SCN4B: variants seen among roughly 807,000 people sequenced by gnomAD.
SCN4B encodes the protein sodium voltage-gated channel beta subunit 4, also known as sodium channel regulatory subunit beta-4.
Under a neutral mutation model 19.6 loss-of-function variants are expected in SCN4B, and 20 were observed. The observed-to-expected ratio is 1.02, with a 90% CI of 0.72 to 1.48. SCN4B has a LOEUF of 1.48. Among genes scored for constraint, SCN4B ranks in the 40% most tolerant of loss-of-function variants. SCN4B has a pLI of 0.00. For missense variants in SCN4B, 271 were observed against 287.5 expected (o/e 0.94, Z 0.42); for synonymous variants, 127 against 122.8 (o/e 1.03, Z -0.22).
At chr11:118,138,505 T>C (rs991623021) in intron 4 of SCN4B, among the ~76,000 whole-genome samples, 1 of 152,186 alleles carries the variant, frequency 6.6e-6, no homozygotes, top group African/African-American at 2.4e-5. Flanking sequence ...TCTCTCTCTC[T>C]TTCTTTCTTT....
chr11:118,140,470 C>T (rs536042668), intron 4 of SCN4B, among the ~76,000 whole-genome samples: 1 of 152,368 alleles, frequency 6.6e-6, no homozygotes, highest in Non-Finnish European at 1.5e-5. Flanking sequence ...TACCATCACC[C>T]TCTCTGTTCC....
In SCN4B at chr11:118,133,959, T is replaced by G. The variant is rs373096657; in HGVS notation, c.*3068A>C. 7 of 454,598 alleles carry G rather than the reference T, an allele frequency of 1.5e-5. 2 individuals carry two copies. Among genetic ancestry groups the G allele is most frequent in the East Asian group, 6.9e-5 (1 of 14,390 alleles). 28.2% of individuals were successfully genotyped at this position (454,598 alleles called of 1,614,324 possible). On this transcript the variant is annotated 3_prime_UTR_variant, in exon 5 of 5. Coordinates refer to ENST00000324727, the MANE Select transcript of SCN4B (RefSeq NM_174934.4). ...TGCCCATCATGCATCACCCCTTACATGCAGAGCCCATCCACTCCACAGTTA... is the reference window on the plus strand; with the variant it reads ...TGCCCATCATGCATCACCCCTTACAGGCAGAGCCCATCCACTCCACAGTTA...
At chr11:118,137,745 G>A (rs1948037268) in intron 4 of SCN4B, among the ~76,000 whole-genome samples, 1 of 152,158 alleles carries the variant, frequency 6.6e-6, no homozygotes. Flanking sequence ...GGAAGCAAAG[G>A]GCACCAGGTG....
At chr11:118,145,294 T>C (rs1251645065) in intron 1 of SCN4B, 65 bp from the exon 2 acceptor site, 1 of 1,608,746 alleles carries the variant, frequency 6.2e-7, no homozygotes, top group Non-Finnish European at 8.5e-7. Context: ...AAGGGGATGC[T>C]TAGGCAGGGC....
chr11:118,136,949 G>C lies in SCN4B; in HGVS notation c.*78C>G, dbSNP rs1948019517. ...AGCAGCAGATGTCTCAGGCACGTGG[G>C]TTCTACGGTCGGGGCTCAAGCATCA... On this transcript the variant is annotated 3_prime_UTR_variant, in exon 5 of 5. Transcript: ENST00000324727. 1 of 995,418 alleles carries C rather than the reference G, an allele frequency of 1.0e-6. No individual in the cohort carries two copies. The highest frequency in any genetic ancestry group is 1.6e-6 in the Non-Finnish European group (1 of 629,854). 61.7% of individuals were successfully genotyped at this position (995,418 alleles called of 1,614,324 possible). A position where few individuals can be genotyped will look rare whatever the true frequency, so the allele number is the denominator to read the frequency against.
In SCN4B at chr11:118,150,428, C is replaced by A. The variant is rs544955730; in HGVS notation, c.61+2185G>T. Reference sequence around the variant, plus strand: ...CCAGTCTCCGAAGCTGTGAAAAGAGCCGCTCTAGGCCCCTCAAGTCTTTAT... The same window carrying A: ...CCAGTCTCCGAAGCTGTGAAAAGAGACGCTCTAGGCCCCTCAAGTCTTTAT... On this transcript the variant is annotated intron_variant, in intron 1 of 4. Transcript: ENST00000324727. 7.2e-5 allele frequency among the ~76,000 whole-genome samples: 11 copies of A among 152,252 alleles called. 1 individual carries two copies. In the South Asian group the frequency reaches 2.3e-3, roughly 32 times the overall value.
intron 3 of SCN4B, 52 bp downstream of exon 3, chr11:118,143,781 G>T: frequency 1.5e-6 from 2 of 1,316,406 alleles, no homozygotes; most frequent in Non-Finnish European, 2.2e-6. Flanking sequence ...TGAGTTGGGT[G>T]CCTCCCAAGT....
At chr11:118,147,207 G>A (rs1948188707) in intron 1 of SCN4B, among the ~76,000 whole-genome samples, 1 of 152,232 alleles carries the variant, frequency 6.6e-6, no homozygotes. Flanking sequence ...TCAAAGGCAG[G>A]TATAATGTTC....
intron 1 of SCN4B, among the ~76,000 whole-genome samples, chr11:118,151,113 TAC>T (rs1948229078): frequency 1.5e-5 from 2 of 129,736 alleles, no homozygotes; most frequent in South Asian, 4.8e-4. Flanking sequence ...CAATCCCCCT[TAC>T]ACACGTGCAC....
At chr11:118,138,790 T>A (rs1948057401) in intron 4 of SCN4B, among the ~76,000 whole-genome samples, 1 of 152,142 alleles carries the variant, frequency 6.6e-6, no homozygotes, top group South Asian at 2.1e-4. Flanking sequence ...CTTCCAAGCT[T>A]CTTTGAAACC....
At chr11:118,147,477 C>T (rs1375326640) in intron 1 of SCN4B, among the ~76,000 whole-genome samples, 1 of 152,158 alleles carries the variant, frequency 6.6e-6, no homozygotes, top group Non-Finnish European at 1.5e-5. Context: ...GATATTAGCC[C>T]CTTTCCACCA....
In SCN4B at chr11:118,145,078, G is replaced by A. The variant is rs756236959; in HGVS notation, c.213C>T (p.Asn71=). The change falls in exon 2 of 5, where the codon AAC becomes AAT. Residue 71 remains asparagine, a synonymous_variant. Coordinates refer to ENST00000324727, the MANE Select transcript of SCN4B (RefSeq NM_174934.4). ...TTACAATCTTGAATGCGTCACTGCT[G>A]TTGTAGGTCCACCGGAAGTGGAGGT... ...FEDLHFRWTY[N]SSDAFKILIE... The A allele has an allele frequency of 6.2e-7, 1 of 1,614,168 alleles. No homozygotes were observed. Among genetic ancestry groups the A allele is most frequent in the South Asian group, 1.1e-5 (1 of 91,078 alleles).
At chr11:118,139,908 C>T (rs12418708) in intron 4 of SCN4B, among the ~76,000 whole-genome samples, 16,782 of 59,446 alleles carry the variant, frequency 0.28, 1,917 homozygotes, top group East Asian at 0.63. Context: ...TTTCTTTTTT[C>T]TTTTTTTTTT....
intron 1 of SCN4B, 193 bp from the exon 2 acceptor site, chr11:118,145,422 C>A (rs1196431805): frequency 2.0e-6 from 3 of 1,511,752 alleles, no homozygotes; most frequent in Non-Finnish European, 1.8e-6. Context: ...CATTTCTCCC[C>A]TGGAAAGGAC....
At position 118,141,409 on chromosome 11, in the gene SCN4B, G is replaced by A; in HGVS notation, c.464-73C>T. The A allele has an allele frequency of 4.4e-6, 7 of 1,590,094 alleles. No individual in the cohort carries two copies. In the South Asian group the frequency reaches 6.6e-5, roughly 15 times the overall value. On this transcript the variant is annotated intron_variant, in intron 3 of 4. Coordinates refer to ENST00000324727, the MANE Select transcript of SCN4B (RefSeq NM_174934.4). ...AGTCAACCTGGAGCCGAGAACTGTGGCAGTGCAAGGGCCATGTAGCCTCCA... is the reference window on the plus strand; with the variant it reads ...AGTCAACCTGGAGCCGAGAACTGTGACAGTGCAAGGGCCATGTAGCCTCCA...
chr11:118,151,122 G>GCACACACACACACACACA (rs3837425), intron 1 of SCN4B, among the ~76,000 whole-genome samples: 4 of 149,246 alleles, frequency 2.7e-5, no homozygotes, highest in African/African-American at 9.9e-5. Flanking sequence ...TTACACACGT[G>GCACACACACACACACACA]CACACACACA....
rs184808494 is a variant in SCN4B, at chr11:118,134,165, C to T, written c.*2862G>A. The T allele has an allele frequency of 7.7e-5, 35 of 454,206 alleles. No homozygotes were observed. The highest frequency in any genetic ancestry group is 5.4e-4 in the African/African-American group (27 of 50,130). The allele number at this position is 454,206 out of a possible 1,614,324, so 28.1% of individuals were successfully genotyped here. Reference sequence around the variant, plus strand: ...GCCTCTCTAACATCAGGGGTTTATTCGGGCTGCCTTCTGTTCAATTACGAC... The same window carrying T: ...GCCTCTCTAACATCAGGGGTTTATTTGGGCTGCCTTCTGTTCAATTACGAC... On this transcript the variant is annotated 3_prime_UTR_variant, in exon 5 of 5. Coordinates refer to ENST00000324727, the MANE Select transcript of SCN4B (RefSeq NM_174934.4).
chr11:118,134,875 T>G lies in SCN4B; in HGVS notation c.*2152A>C. ...GTCCTGTGAGGTAGGTAAGTATTATTACACCCATTTGGTAGATGGAAAGAG... is the reference window on the plus strand; with the variant it reads ...GTCCTGTGAGGTAGGTAAGTATTATGACACCCATTTGGTAGATGGAAAGAG... On this transcript the variant is annotated 3_prime_UTR_variant, in exon 5 of 5. Coordinates refer to ENST00000324727, the MANE Select transcript of SCN4B (RefSeq NM_174934.4). The G allele has an allele frequency of 2.2e-6, 1 of 454,096 alleles. No homozygotes were observed. The highest frequency in any genetic ancestry group is 1.6e-5 in the South Asian group (1 of 64,474). 28.1% of individuals were successfully genotyped at this position (454,096 alleles called of 1,614,324 possible). A position where few individuals can be genotyped will look rare whatever the true frequency, so the allele number is the denominator to read the frequency against.
chr11:118,150,164 A>T (rs1211193290), intron 1 of SCN4B, among the ~76,000 whole-genome samples: 1 of 152,228 alleles, frequency 6.6e-6, no homozygotes, highest in African/African-American at 2.4e-5. Flanking sequence ...ACAGCAATTA[A>T]GTAAATGGGG....
Sources: gnomAD v4.1 joint callset for allele counts (sites outside exome capture counted in the v4.1 genomes callset) on GRCh38, gnomAD v4.1.1 for gene constraint, MANE v1.5 for transcripts, NCBI Gene and HGNC (gene_info 2026-07-23, HGNC 2026-07-21) for gene names.